The following MYO10 variants were observed in gnomAD, a reference collection of about 807,000 sequenced individuals.
MYO10 encodes myosin X.
A neutral mutation model predicts 257.3 loss-of-function variants in MYO10; 133 were observed. The ratio of observed to expected loss-of-function variants is 0.52; its 90% CI spans 0.45 to 0.60. The LOEUF is 0.60. Among genes scored for constraint, MYO10 ranks in the 20% least tolerant of loss-of-function variants. The pLI is 0.00. For synonymous variants in MYO10, 1,104 were observed against 1,028.6 expected (o/e 1.07, Z -1.40); for missense variants, 2,399 against 2,635.7 (o/e 0.91, Z 1.97).
intron 2 of MYO10, among the ~76,000 whole-genome samples, chr5:16,875,891 C>T (rs1278856315): frequency 6.6e-6 from 1 of 152,008 alleles, no homozygotes; most frequent in Non-Finnish European, 1.5e-5. Flanking sequence ...GCAGATCACT[C>T]GAGGTCAGGA....
At chr5:16,776,871 C>A (rs1035922435) in intron 9 of MYO10, among the ~76,000 whole-genome samples, 1 of 152,210 alleles carries the variant, frequency 6.6e-6, no homozygotes, top group Admixed American at 6.5e-5. Context: ...ATGGGACCTG[C>A]AGTGACACTG....
intron 3 of MYO10, among the ~76,000 whole-genome samples, chr5:16,801,719 G>A (rs972222186): frequency 3.3e-5 from 5 of 151,992 alleles, no homozygotes; most frequent in African/African-American, 7.3e-5. Flanking sequence ...TAACATGTCC[G>A]GCATCTGCTG....
intron 2 of MYO10, among the ~76,000 whole-genome samples, chr5:16,834,098 T>A (rs552850877): frequency 6.6e-6 from 1 of 152,154 alleles, no homozygotes; most frequent in South Asian, 2.1e-4. Flanking sequence ...AAGGGTTAAC[T>A]CTCCTGGGGT....
At chr5:16,735,040 G>A (rs1278910581) in intron 19 of MYO10, among the ~76,000 whole-genome samples, 4 of 152,112 alleles carry the variant, frequency 2.6e-5, no homozygotes, top group Non-Finnish European at 4.4e-5. Flanking sequence ...ACCTGTGGCT[G>A]GTAAAAGGCA....
At chr5:16,773,189 A>C (rs980902755) in intron 9 of MYO10, among the ~76,000 whole-genome samples, 11 of 152,262 alleles carry the variant, frequency 7.2e-5, no homozygotes, top group African/African-American at 2.7e-4. Context: ...CCAAGTGCTT[A>C]TCAATTTTAA....
chr5:16,681,581 T>C, intron 31 of MYO10, 78 bp from the exon 32 acceptor site: 2 of 1,374,768 alleles, frequency 1.5e-6, no homozygotes, highest in Non-Finnish European at 2.0e-6. Context: ...TGCATAATGC[T>C]AACACATGGG....
chr5:16,802,852 C>T lies in MYO10; in HGVS notation c.280-8019G>A, dbSNP rs568180246. On this transcript the variant is annotated intron_variant, in intron 3 of 40. Transcript: ENST00000513610. ...GTTTTAGAGGTTGGGTGTGGTGGCTCACGCCTGTTATCCCAACACTTTGGG... is the reference window on the plus strand; with the variant it reads ...GTTTTAGAGGTTGGGTGTGGTGGCTTACGCCTGTTATCCCAACACTTTGGG... 3.9e-5 allele frequency among the ~76,000 whole-genome samples: 6 copies of T among 151,982 alleles called. No individual in the cohort carries two copies. The East Asian group carries it at 5.8e-4, about 15-fold the overall frequency.
intron 24 of MYO10, among the ~76,000 whole-genome samples, chr5:16,702,130 G>A (rs1046610810): frequency 1.3e-5 from 2 of 152,198 alleles, no homozygotes; most frequent in African/African-American, 4.8e-5. Context: ...AAGGCTGCGT[G>A]AGGACACACT....
At chr5:16,911,693 C>T (rs1262977947) in intron 1 of MYO10, among the ~76,000 whole-genome samples, 1 of 152,120 alleles carries the variant, frequency 6.6e-6, no homozygotes, top group Non-Finnish European at 1.5e-5. Context: ...GATCGCACCA[C>T]TGCACTCCAT....
intron 19 of MYO10, among the ~76,000 whole-genome samples, chr5:16,718,188 G>C (rs1480784271): frequency 6.6e-6 from 1 of 152,186 alleles, no homozygotes; most frequent in Non-Finnish European, 1.5e-5. Context: ...CTGCCTTCCC[G>C]TGGAGCAAGG....
intron 3 of MYO10, among the ~76,000 whole-genome samples, chr5:16,817,332 G>A (rs943953893): frequency 1.3e-5 from 2 of 152,178 alleles, no homozygotes; most frequent in African/African-American, 4.8e-5. Context: ...TGGAAAAGGG[G>A]AGAAAATCTG....
In MYO10 at chr5:16,764,144, CTCA is replaced by C. The variant is rs1740799376; in HGVS notation, c.1326+103_1326+105del. 3.3e-6 allele frequency: 4 copies of C among 1,197,014 alleles called. No homozygotes were observed. In the African/African-American group the frequency reaches 9.5e-5, roughly 29 times the overall value. The allele number at this position is 1,197,014 out of a possible 1,614,324, so 74.1% of individuals were successfully genotyped here. On this transcript the variant is annotated intron_variant, in intron 12 of 40. Transcript: ENST00000513610. ...CCTGGGATACAGAGTGAGACTCCTT[CTCA>C]AAAAAAAAAAGAAAAAAAAAGAGTT...
In MYO10 at chr5:16,699,434, G is replaced by A; in HGVS notation, c.3556+16C>T. 1 of 1,612,388 alleles carries A rather than the reference G, an allele frequency of 6.2e-7. No homozygotes were observed. Among genetic ancestry groups the A allele is most frequent in the South Asian group, 1.1e-5 (1 of 90,892 alleles). ...CTCTCCCCCTAACCCAGACTCCATG[G>A]CGGCTGCAGTCATACCTTTCATGTA... On this transcript the variant is annotated intron_variant, in intron 26 of 40. Transcript: ENST00000513610.
At chr5:16,729,987 G>C (rs1474230943) in intron 19 of MYO10, among the ~76,000 whole-genome samples, 1 of 152,130 alleles carries the variant, frequency 6.6e-6, no homozygotes, top group African/African-American at 2.4e-5. Context: ...GGGCACCGAG[G>C]GGAGTCTCTT....
chr5:16,795,504 G>T (rs914541748), intron 3 of MYO10, among the ~76,000 whole-genome samples: 2 of 152,122 alleles, frequency 1.3e-5, no homozygotes, highest in African/African-American at 2.4e-5. Flanking sequence ...AGGAGGCTGG[G>T]AAAGGAGAAT....
chr5:16,924,436 G>C (rs993744669), intron 1 of MYO10, among the ~76,000 whole-genome samples: 4 of 152,138 alleles, frequency 2.6e-5, no homozygotes, highest in African/African-American at 7.2e-5. Context: ...CAGCTGCGCA[G>C]CTGCCAGCTG....
intron 1 of MYO10, among the ~76,000 whole-genome samples, chr5:16,917,547 C>T: frequency 6.6e-6 from 1 of 151,992 alleles, no homozygotes; most frequent in Non-Finnish European, 1.5e-5. Context: ...TTGAGAACTA[C>T]CATTCTATGC....
At chr5:16,897,932 A>G (rs1745260658) in intron 1 of MYO10, among the ~76,000 whole-genome samples, 1 of 152,206 alleles carries the variant, frequency 6.6e-6, no homozygotes, top group Admixed American at 6.5e-5. Flanking sequence ...TGTTACTCAA[A>G]CTCTGCGGAC....
intron 5 of MYO10, among the ~76,000 whole-genome samples, chr5:16,783,065 T>C (rs1741468820): frequency 6.6e-6 from 1 of 152,166 alleles, no homozygotes; most frequent in Non-Finnish European, 1.5e-5. Context: ...CACATGAAGC[T>C]GGAGTCAAAG....
Sources: gnomAD v4.1 joint callset for allele counts (sites outside exome capture counted in the v4.1 genomes callset) on GRCh38, gnomAD v4.1.1 for gene constraint, MANE v1.5 for transcripts, NCBI Gene and HGNC (gene_info 2026-07-23, HGNC 2026-07-21) for gene names.